Variants in EFCAB13 observed in about 807,000 individuals in gnomAD.
EFCAB13 encodes the protein EF-hand calcium-binding domain-containing protein 13.
Under a neutral mutation model 110.2 loss-of-function variants are expected in EFCAB13, and 91 were observed. That is an observed-to-expected ratio of 0.83 (90% CI 0.70 to 0.98). EFCAB13 has a LOEUF of 0.98. Among genes scored for constraint, EFCAB13 ranks in the 50% least tolerant of loss-of-function variants. The pLI, the probability that EFCAB13 is intolerant of heterozygous loss-of-function variation, is 0.00. For missense variants in EFCAB13, 968 were observed against 1,119.4 expected (o/e 0.86, Z 1.93); for synonymous variants, 323 against 369.9 (o/e 0.87, Z 1.45).
At chr17:47,370,151 A>G (rs2065573398) in intron 10 of EFCAB13, among the ~76,000 whole-genome samples, 1 of 152,210 alleles carries the variant, frequency 6.6e-6, no homozygotes, top group Non-Finnish European at 1.5e-5. Context: ...AACTCTAAAA[A>G]ACATGTAAAA....
intron 14 of EFCAB13, among the ~76,000 whole-genome samples, chr17:47,379,849 A>G (rs1234667094): frequency 6.6e-6 from 1 of 152,184 alleles, no homozygotes; most frequent in African/African-American, 2.4e-5. Flanking sequence ...TACATATGCT[A>G]AAAACGAAAG....
intron 17 of EFCAB13, among the ~76,000 whole-genome samples, chr17:47,397,065 G>C (rs942645221): frequency 2.7e-5 from 3 of 110,922 alleles, no homozygotes; most frequent in African/African-American, 7.0e-5. Flanking sequence ...ATGCCGAGCC[G>C]AAGCTGGACT....
intron 10 of EFCAB13, among the ~76,000 whole-genome samples, chr17:47,366,587 G>A (rs1051919531): frequency 6.6e-6 from 1 of 152,092 alleles, no homozygotes; most frequent in Non-Finnish European, 1.5e-5. Context: ...CTTAGAGTAG[G>A]AGGCTGTTTT....
chr17:47,347,663 G>A (rs890269878), intron 8 of EFCAB13, 145 bp from the exon 9 acceptor site: 20 of 498,576 alleles, frequency 4.0e-5, no homozygotes, highest in African/African-American at 3.2e-4. Context: ...ATTGAAGAGG[G>A]TGGGGTAAAA....
chr17:47,427,389 A>G (rs1387619747), intron 23 of EFCAB13, among the ~76,000 whole-genome samples: 1 of 152,112 alleles, frequency 6.6e-6, no homozygotes, highest in Non-Finnish European at 1.5e-5. Flanking sequence ...TTAGAATATC[A>G]GTGGAATTTG....
intron 14 of EFCAB13, among the ~76,000 whole-genome samples, chr17:47,388,046 T>A (rs895331833): frequency 1.3e-5 from 2 of 152,366 alleles, no homozygotes; most frequent in African/African-American, 4.8e-5. Flanking sequence ...AGTGTGGTAC[T>A]GCTGAACAGC....
intron 14 of EFCAB13, among the ~76,000 whole-genome samples, chr17:47,386,222 A>T (rs1266136714): frequency 6.6e-6 from 1 of 152,142 alleles, no homozygotes; most frequent in African/African-American, 2.4e-5. Context: ...GGAACGTTTA[A>T]AGTCCGCTGA....
At chr17:47,411,134 T>C (rs978670440) in intron 21 of EFCAB13, among the ~76,000 whole-genome samples, 4 of 152,228 alleles carry the variant, frequency 2.6e-5, no homozygotes, top group Non-Finnish European at 5.9e-5. Flanking sequence ...TTTACTATGC[T>C]ATTGTTCCAA....
rs2143371905 is a variant in EFCAB13 at position 47,377,758 on chromosome 17, G to A, written c.1373-8G>A. 1 of 1,558,394 alleles carries A rather than the reference G, an allele frequency of 6.4e-7. No homozygotes were observed. Among genetic ancestry groups the A allele is most frequent in the Non-Finnish European group, 8.6e-7 (1 of 1,160,010 alleles). On this transcript the variant is annotated splice_polypyrimidine_tract_variant and splice_region_variant and intron_variant, in intron 12 of 24. Coordinates refer to ENST00000331493, the MANE Select transcript of EFCAB13 (RefSeq NM_152347.5). ...TGCCTAATAGTTCTCTACATTTTGT[G>A]TATTTAGAAAACTTCTGTGAAGCTA... is the stretch of plus-strand genomic sequence containing the variant.
chr17:47,339,548 T>C lies in EFCAB13; in HGVS notation c.192-2373T>C, dbSNP rs917881469. 2.6e-5 allele frequency among the ~76,000 whole-genome samples: 4 copies of C among 152,114 alleles called. No individual in the cohort carries two copies. The South Asian group carries it at 8.3e-4, about 32-fold the overall frequency. On this transcript the variant is annotated intron_variant, in intron 5 of 24. Transcript: ENST00000331493. The stretch of plus-strand genomic sequence containing the variant: ...GTGGAGCTCAGGTGGTAATGCTTAC[T>C]CGCCAGCCACTTACCTCCTACTGTG...
chr17:47,437,063 A>C (rs952721672), intron 24 of EFCAB13, among the ~76,000 whole-genome samples: 1 of 152,072 alleles, frequency 6.6e-6, no homozygotes, highest in Non-Finnish European at 1.5e-5. Flanking sequence ...TTGTATTTGC[A>C]TGGTTTTGAA....
rs763737651 is a variant in EFCAB13, at chr17:47,401,640, C to CTTT, written c.1946-472_1946-470dup. On this transcript the variant is annotated intron_variant, in intron 17 of 24. Coordinates refer to ENST00000331493, the MANE Select transcript of EFCAB13 (RefSeq NM_152347.5). ...GATTGAAATTGAGAACTCAGCCTGA[C>CTTT]TTTTTTTTTTTTTTTTTTTTTTGAG... Among the ~76,000 whole-genome samples the CTTT allele has an allele frequency of 9.1e-3, 771 of 84,476 alleles. 12 individuals carry two copies. The highest frequency in any genetic ancestry group is 0.011 in the Non-Finnish European group (508 of 44,400). 55.4% of individuals were successfully genotyped at this position (84,476 alleles called of 152,430 possible).
chr17:47,398,320 G>T (rs2065758857), intron 17 of EFCAB13, among the ~76,000 whole-genome samples: 15 of 150,116 alleles, frequency 1.0e-4, no homozygotes, highest in African/African-American at 2.9e-4. Context: ...ACTGGGAAGT[G>T]AGGAGCCCCT....
chr17:47,388,247 T>G (rs2065687355), intron 14 of EFCAB13, among the ~76,000 whole-genome samples: 1 of 152,224 alleles, frequency 6.6e-6, no homozygotes, highest in South Asian at 2.1e-4. Context: ...GTGGGGAAGC[T>G]GGCTGACTGC....
intron 14 of EFCAB13, among the ~76,000 whole-genome samples, chr17:47,390,266 A>G (rs1476806684): frequency 1.3e-5 from 2 of 152,090 alleles, no homozygotes; most frequent in Non-Finnish European, 2.9e-5. Context: ...TACAAACACA[A>G]TATACACAAA....
intron 11 of EFCAB13, among the ~76,000 whole-genome samples, chr17:47,373,187 TGA>T (rs1444496559): frequency 2.0e-5 from 3 of 152,238 alleles, no homozygotes; most frequent in African/African-American, 7.2e-5. Flanking sequence ...TTCTTGTGCT[TGA>T]TCAGTTATGT....
At chr17:47,329,353 G>T (rs1283978472) in intron 4 of EFCAB13, among the ~76,000 whole-genome samples, 1 of 151,996 alleles carries the variant, frequency 6.6e-6, no homozygotes, top group Non-Finnish European at 1.5e-5. Context: ...GTGAAATTCA[G>T]CATTGTCAAT....
intron 17 of EFCAB13, among the ~76,000 whole-genome samples, chr17:47,401,641 T>TC (rs35512121): frequency 8.3e-5 from 3 of 36,282 alleles, no homozygotes; most frequent in Non-Finnish European, 1.9e-4. Flanking sequence ...TCAGCCTGAC[T>TC]TTTTTTTTTT....
In EFCAB13 at chr17:47,432,850, T is replaced by C. The variant is rs937138036; in HGVS notation, c.2638+2889T>C. On this transcript the variant is annotated intron_variant, in intron 24 of 24. Transcript: ENST00000331493. ...TAAAAAATGTTTTATTTGAAGTGTT[T>C]ACATTTACAGAAGAGTTTTAAAGAT... Among the ~76,000 whole-genome samples, 3 of 152,180 alleles carry C rather than the reference T, an allele frequency of 2.0e-5. No homozygotes were observed. The South Asian group carries it at 6.2e-4, about 31-fold the overall frequency.
Sources: allele counts gnomAD v4.1 joint callset (sites outside exome capture counted in the v4.1 genomes callset), GRCh38; gene constraint gnomAD v4.1.1; transcripts MANE v1.5; gene names NCBI Gene and HGNC (gene_info 2026-07-23, HGNC 2026-07-21).